The following JAK2 variants were observed in gnomAD, a reference collection of about 807,000 sequenced individuals.
JAK2 encodes the protein tyrosine-protein kinase JAK2.
A neutral mutation model predicts 139.3 loss-of-function variants in JAK2; 86 were observed. That is an observed-to-expected ratio of 0.62 (90% confidence interval 0.52 to 0.74). The LOEUF (loss-of-function observed/expected upper bound fraction) is 0.74, where lower values mean the gene tolerates loss of function less well. Ranked by LOEUF, JAK2 falls within the 30% of genes least tolerant of loss-of-function variation. JAK2 has a pLI of 0.00. For synonymous variants in JAK2, 490 were observed against 437.7 expected (o/e 1.12, Z -1.49); for missense variants, 1,421 against 1,360.3 (o/e 1.04, Z -0.70).
chr9:5,083,965 T>G (rs1469020661), intron 19 of JAK2, among the ~76,000 whole-genome samples: 1 of 147,444 alleles, frequency 6.8e-6, no homozygotes, highest in Non-Finnish European at 1.5e-5. Flanking sequence ...TTTCCCATTA[T>G]TAATATTCTT....
chr9:5,127,127 G>T lies in JAK2; in HGVS notation c.*336G>T. On this transcript the variant is annotated 3_prime_UTR_variant, in exon 25 of 25. Transcript: ENST00000381652. ...CTGAAAAAATTATTATGTAAATTTTGCAATGTTAAAGATGCACAGAATATG... is the reference window on the plus strand; with the variant it reads ...CTGAAAAAATTATTATGTAAATTTTTCAATGTTAAAGATGCACAGAATATG... 3.7e-6 allele frequency: 1 copy of T among 267,392 alleles called. No individual in the cohort carries two copies. The highest frequency in any genetic ancestry group is 7.2e-6 in the Non-Finnish European group (1 of 139,750). The allele number at this position is 267,392 out of a possible 1,614,324, so 16.6% of individuals were successfully genotyped here. A position where few individuals can be genotyped will look rare whatever the true frequency, so the allele number is the denominator to read the frequency against.
At chr9:5,063,156 T>C (rs1048093091) in intron 8 of JAK2, among the ~76,000 whole-genome samples, 4 of 152,200 alleles carry the variant, frequency 2.6e-5, no homozygotes, top group Admixed American at 1.3e-4. Context: ...TATGTAAATA[T>C]TGTTCATTGC....
chr9:5,056,589 A>C (rs1817783034), intron 8 of JAK2, among the ~76,000 whole-genome samples: 5 of 152,142 alleles, frequency 3.3e-5, no homozygotes, highest in Non-Finnish European at 5.9e-5. Flanking sequence ...TGCCTAGTAG[A>C]CTGTGAGCCT....
chr9:5,007,881 C>G (rs1320438490), intron 2 of JAK2, among the ~76,000 whole-genome samples: 1 of 152,056 alleles, frequency 6.6e-6, no homozygotes, highest in East Asian at 1.9e-4. Context: ...GCACGTGCCA[C>G]CACGCCTGGC....
chr9:5,017,748 C>T (rs1192914232), intron 2 of JAK2, among the ~76,000 whole-genome samples: 1 of 152,158 alleles, frequency 6.6e-6, no homozygotes, highest in African/African-American at 2.4e-5. Context: ...TATCCAGTTG[C>T]AGATGAACTT....
chr9:5,113,191 CTTTTTT>C (rs531374595), intron 22 of JAK2, among the ~76,000 whole-genome samples: 9 of 57,192 alleles, frequency 1.6e-4, no homozygotes, highest in African/African-American at 5.7e-4. Flanking sequence ...CTGGCAGGAG[CTTTTTT>C]TTTTTTTTTT....
At chr9:5,110,273 C>T (rs889643091) in intron 22 of JAK2, 2 of 152,168 alleles carry the variant, frequency 1.3e-5, no homozygotes, top group African/African-American at 4.8e-5. Flanking sequence ...TAGAAAATAA[C>T]CTCTGAACCC....
intron 22 of JAK2, chr9:5,109,521 T>A (rs1356872966): frequency 6.6e-6 from 1 of 152,198 alleles, no homozygotes; most frequent in African/African-American, 2.4e-5. Flanking sequence ...ACTACTATAA[T>A]AGCCCTAATC....
chr9:5,112,768 CGT>C (rs1297519917), intron 22 of JAK2: 1 of 612,868 alleles, frequency 1.6e-6, no homozygotes, highest in Admixed American at 3.7e-5. Context: ...AGGTGTCGCG[CGT>C]GTTCGGAGGC....
chr9:5,111,209 G>T (rs1822486482), intron 22 of JAK2: 1 of 614,214 alleles, frequency 1.6e-6, no homozygotes, highest in Non-Finnish European at 3.0e-6. Flanking sequence ...GGACTCGGAG[G>T]CAAGAGCAGC....
chr9:5,072,637 T>A lies in JAK2; in HGVS notation c.1776+11T>A. The A allele has an allele frequency of 6.4e-7, 1 of 1,571,158 alleles. No homozygotes were observed. Among genetic ancestry groups the A allele is most frequent in the Non-Finnish European group, 8.7e-7 (1 of 1,154,818 alleles). Reference sequence around the variant, plus strand: ...AGAAACTATTCAGAGGTGTGTATGTTCTTTATATTGTTCATGTAGTTTATG... The same window carrying A: ...AGAAACTATTCAGAGGTGTGTATGTACTTTATATTGTTCATGTAGTTTATG... On this transcript the variant is annotated intron_variant, in intron 13 of 24. Transcript: ENST00000381652.
intron 2 of JAK2, among the ~76,000 whole-genome samples, chr9:5,015,623 C>G (rs1822001567): frequency 6.6e-6 from 1 of 151,640 alleles, no homozygotes; most frequent in Non-Finnish European, 1.5e-5. Flanking sequence ...TCACTGCGGC[C>G]TCGGTCTCCT....
Position 5,061,956 on chromosome 9 carries a change from C to T in JAK2, c.1057-2927C>T, listed in dbSNP as rs149294733. On this transcript the variant is annotated intron_variant, in intron 8 of 24. Coordinates refer to ENST00000381652, the MANE Select transcript of JAK2 (RefSeq NM_004972.4). Reference sequence around the variant, plus strand: ...TGTTGTGTCTGAGGGAATAGGGAGGCCTGAGGAGAGGGAAAAAGAAAGGGA... The same window carrying T: ...TGTTGTGTCTGAGGGAATAGGGAGGTCTGAGGAGAGGGAAAAAGAAAGGGA... Among the ~76,000 whole-genome samples the T allele has an allele frequency of 1.5e-4, 23 of 152,086 alleles. No individual in the cohort carries two copies. The East Asian group carries it at 4.2e-3, about 28-fold the overall frequency.
intron 10 of JAK2, among the ~76,000 whole-genome samples, chr9:5,067,469 A>G (rs1012175271): frequency 2.0e-5 from 3 of 152,080 alleles, no homozygotes; most frequent in Non-Finnish European, 4.4e-5. Flanking sequence ...GAACTTTGTT[A>G]TTCAATTATT....
intron 22 of JAK2, among the ~76,000 whole-genome samples, chr9:5,092,681 T>C (rs561207823): frequency 6.6e-6 from 1 of 152,288 alleles, no homozygotes; most frequent in African/African-American, 2.4e-5. Flanking sequence ...TACACAGAGA[T>C]AGCCAAGTCC....
intron 22 of JAK2, among the ~76,000 whole-genome samples, chr9:5,119,193 C>T (rs1823431155): frequency 6.6e-6 from 1 of 152,082 alleles, no homozygotes; most frequent in East Asian, 1.9e-4. Context: ...AAACAAATCA[C>T]TTAATTTCTG....
At chr9:5,093,413 G>T (rs542759631) in intron 22 of JAK2, among the ~76,000 whole-genome samples, 1 of 152,164 alleles carries the variant, frequency 6.6e-6, no homozygotes, top group African/African-American at 2.4e-5. Context: ...TAGGGACTTA[G>T]AAGAATGGCC....
chr9:5,087,474 A>AGTTCTTTTACT (rs2130658165), intron 19 of JAK2, among the ~76,000 whole-genome samples: 2 of 151,658 alleles, frequency 1.3e-5, no homozygotes, highest in South Asian at 4.2e-4. Flanking sequence ...AAACCATATC[A>AGTTCTTTTACT]CTCCCTTACT....
chr9:5,069,894 GAAGTGATATATATGTATTTTA>G lies in JAK2; in HGVS notation c.1514-30_1514-10del. 6.2e-6 allele frequency: 9 copies of G among 1,448,948 alleles called. No individual in the cohort carries two copies. Among genetic ancestry groups the G allele is most frequent in the Non-Finnish European group, 8.5e-6 (9 of 1,056,020 alleles). 89.8% of individuals were successfully genotyped at this position (1,448,948 alleles called of 1,614,324 possible). A position where few individuals can be genotyped will look rare whatever the true frequency, so the allele number is the denominator to read the frequency against. On this transcript the variant is annotated splice_polypyrimidine_tract_variant and intron_variant, in intron 11 of 24. Coordinates refer to ENST00000381652, the MANE Select transcript of JAK2 (RefSeq NM_004972.4). ...GCAATTCATACTTTCAGTGTATTTTGAAGTGATATATATGTATTTTATTTTTTCAGATAAATCAAACCTTCT... is the reference window on the plus strand; with the variant it reads ...GCAATTCATACTTTCAGTGTATTTTGTTTTTTCAGATAAATCAAACCTTCT...
Sources: allele counts gnomAD v4.1 joint callset (sites outside exome capture counted in the v4.1 genomes callset), GRCh38; gene constraint gnomAD v4.1.1; transcripts MANE v1.5; gene names NCBI Gene and HGNC (gene_info 2026-07-23, HGNC 2026-07-21).